ADAMTS17: variants seen among roughly 807,000 people sequenced by gnomAD.
The protein encoded by ADAMTS17 is A disintegrin and metalloproteinase with thrombospondin motifs 17.
Under a neutral mutation model 141.5 loss-of-function variants are expected in ADAMTS17, and 113 were observed. The ratio of observed to expected loss-of-function variants is 0.80; its 90% CI spans 0.69 to 0.93. ADAMTS17 has a LOEUF of 0.93. Ranked by LOEUF, ADAMTS17 falls within the 40% of genes least tolerant of loss-of-function variation. The pLI is 0.00. For synonymous variants in ADAMTS17, 768 were observed against 630.6 expected, an observed-to-expected ratio of 1.22 and a Z score of -3.27; for missense variants, 1,659 against 1,517.9, an observed-to-expected ratio of 1.09 and a Z score of -1.54.
At chr15:100,037,954 T>G (rs2030906097) in intron 18 of ADAMTS17, among the ~76,000 whole-genome samples, 1 of 151,764 alleles carries the variant, frequency 6.6e-6, no homozygotes, top group Admixed American at 6.6e-5. Context: ...GTATTTTTTT[T>G]TTGTAGAGAA....
At chr15:100,122,975 T>C (rs556632601) in intron 12 of ADAMTS17, among the ~76,000 whole-genome samples, 13 of 152,324 alleles carry the variant, frequency 8.5e-5, no homozygotes, top group African/African-American at 2.4e-4. Flanking sequence ...ATCTGCGGCA[T>C]AGAGAAGACA....
chr15:100,299,301 T>C (rs1256820265), intron 3 of ADAMTS17, among the ~76,000 whole-genome samples: 1 of 151,478 alleles, frequency 6.6e-6, no homozygotes, highest in Non-Finnish European at 1.5e-5. Context: ...GGTGTGTGTG[T>C]GTGTAACCGC....
intron 7 of ADAMTS17, among the ~76,000 whole-genome samples, chr15:100,227,861 G>A (rs2042358847): frequency 6.6e-6 from 1 of 152,332 alleles, no homozygotes; most frequent in South Asian, 2.1e-4. Context: ...TATAAGAGAG[G>A]GGCATGGCTG....
chr15:100,094,687 T>C (rs146280627), intron 15 of ADAMTS17, among the ~76,000 whole-genome samples: 1,595 of 152,298 alleles, frequency 0.01, 37 homozygotes, highest in African/African-American at 0.037. Flanking sequence ...CTCAGTACAA[T>C]GTTCAATTTA....
At chr15:100,092,358 G>C (rs1247854937) in intron 15 of ADAMTS17, among the ~76,000 whole-genome samples, 1 of 152,190 alleles carries the variant, frequency 6.6e-6, no homozygotes, top group African/African-American at 2.4e-5. Flanking sequence ...AAAACACTCA[G>C]ACGCGTGAGC....
intron 3 of ADAMTS17, among the ~76,000 whole-genome samples, chr15:100,320,375 CA>C (rs569612150): frequency 3.3e-4 from 50 of 152,300 alleles, no homozygotes; most frequent in African/African-American, 1.2e-3. Context: ...CAGAACCCAA[CA>C]ACAGTCCTGC....
At chr15:100,087,627 A>C (rs1172880095) in intron 15 of ADAMTS17, among the ~76,000 whole-genome samples, 1 of 152,198 alleles carries the variant, frequency 6.6e-6, no homozygotes, top group Non-Finnish European at 1.5e-5. Flanking sequence ...GCACATCAAA[A>C]AGCTTATGCA....
chr15:100,254,032 T>A, intron 7 of ADAMTS17, 104 bp downstream of exon 7: 1 of 1,064,954 alleles, frequency 9.4e-7, no homozygotes, highest in East Asian at 2.4e-5. Context: ...CAACAGAATG[T>A]GCAGTGCTTG....
intron 7 of ADAMTS17, among the ~76,000 whole-genome samples, chr15:100,210,129 G>A (rs2041747084): frequency 6.6e-6 from 1 of 151,226 alleles, no homozygotes; most frequent in East Asian, 2.0e-4. Flanking sequence ...CACTCAGGAG[G>A]CTGAGGCAGG....
intron 4 of ADAMTS17, among the ~76,000 whole-genome samples, chr15:100,280,685 G>C (rs1183610548): frequency 6.6e-6 from 1 of 152,082 alleles, no homozygotes. Flanking sequence ...GGTAAAGCTA[G>C]GATGCCCTTG....
intron 11 of ADAMTS17, 67 bp downstream of exon 11, chr15:100,133,147 G>C: frequency 2.8e-6 from 4 of 1,424,100 alleles, no homozygotes; most frequent in East Asian, 5.0e-5. Flanking sequence ...TTGTGTGTCA[G>C]AAGAGGTGCC....
intron 10 of ADAMTS17, among the ~76,000 whole-genome samples, chr15:100,142,207 A>T (rs974961229): frequency 4.6e-5 from 7 of 152,204 alleles, no homozygotes; most frequent in African/African-American, 1.7e-4. Flanking sequence ...AGAGGAACAA[A>T]CTTTGTTGTC....
chr15:100,151,285 G>A (rs781102268), intron 10 of ADAMTS17, among the ~76,000 whole-genome samples: 5 of 152,214 alleles, frequency 3.3e-5, no homozygotes, highest in Non-Finnish European at 5.9e-5. Flanking sequence ...ACAGCCAGTA[G>A]GAGACAACAG....
At chr15:100,156,133 C>G (rs574007324) in intron 8 of ADAMTS17, among the ~76,000 whole-genome samples, 1 of 152,200 alleles carries the variant, frequency 6.6e-6, no homozygotes, top group Non-Finnish European at 1.5e-5. Context: ...TGCCAGGTAA[C>G]GGACCACAAG....
In ADAMTS17 at chr15:100,252,281, GCATT is replaced by G. The variant is rs550256378; in HGVS notation, c.1075+1851_1075+1854del. Among the ~76,000 whole-genome samples, 14 of 152,134 alleles carry G rather than the reference GCATT, an allele frequency of 9.2e-5. 1 individual carries two copies. Among genetic ancestry groups the G allele is most frequent in the South Asian group, 4.1e-4 (2 of 4,826 alleles). On this transcript the variant is annotated intron_variant, in intron 7 of 21. Transcript: ENST00000268070. ...CACTGGCATTGGAGTCCCTTCACCT[GCATT>G]CATTCATTCATTCATTCATTCAGTT... is the stretch of plus-strand genomic sequence containing the variant.
At chr15:100,104,348 G>A (rs1241948408) in intron 14 of ADAMTS17, among the ~76,000 whole-genome samples, 1 of 151,206 alleles carries the variant, frequency 6.6e-6, no homozygotes, top group Admixed American at 6.5e-5. Context: ...AATTTTATGA[G>A]TGCTGTTAAG....
chr15:100,013,524 C>G (rs2061227540), intron 18 of ADAMTS17, among the ~76,000 whole-genome samples: 1 of 152,180 alleles, frequency 6.6e-6, no homozygotes, highest in Non-Finnish European at 1.5e-5. Context: ...GTGGGTTTGT[C>G]ATAGATGGCT....
At chr15:100,319,225 T>A (rs1365653897) in intron 3 of ADAMTS17, among the ~76,000 whole-genome samples, 10 of 152,130 alleles carry the variant, frequency 6.6e-5, no homozygotes, top group Admixed American at 6.5e-4. Flanking sequence ...AAGGACAGTG[T>A]CCTGTAAATG....
chr15:100,121,053 T>C (rs186588531), intron 12 of ADAMTS17, among the ~76,000 whole-genome samples: 104 of 152,230 alleles, frequency 6.8e-4, no homozygotes, highest in Non-Finnish European at 1.3e-3. Flanking sequence ...AATTTTGGAA[T>C]TGAAAAGTAT....
Sources: gnomAD v4.1 joint callset for allele counts (sites outside exome capture counted in the v4.1 genomes callset) on GRCh38, gnomAD v4.1.1 for gene constraint, MANE v1.5 for transcripts, NCBI Gene and HGNC (gene_info 2026-07-23, HGNC 2026-07-21) for gene names.